The following COL27A1 variants were observed in gnomAD, a reference collection of about 807,000 sequenced individuals.
The protein encoded by COL27A1 is collagen type XXVII alpha 1 chain.
In COL27A1, 106 loss-of-function variants were observed where a neutral mutation model predicts 251.3. The observed-to-expected ratio is 0.42, with a 90% confidence interval of 0.36 to 0.50. The LOEUF (loss-of-function observed/expected upper bound fraction) is 0.50, where lower values mean the gene tolerates loss of function less well. Ranked by LOEUF, COL27A1 falls within the 20% of genes least tolerant of loss-of-function variation. COL27A1 has a pLI of 0.00. For missense variants in COL27A1, 2,325 were observed against 2,522.8 expected (o/e 0.92, Z 1.68); for synonymous variants, 1,000 against 986.3 (o/e 1.01, Z -0.26).
intron 5 of COL27A1, among the ~76,000 whole-genome samples, 169 bp from the exon 6 acceptor site, chr9:114,194,228 AAGGTGTT>A (rs962564829): frequency 6.6e-6 from 1 of 152,142 alleles, no homozygotes; most frequent in Admixed American, 6.5e-5. Flanking sequence ...GAAGCTGTGG[AAGGTGTT>A]AGAGCAGGGG....
chr9:114,222,380 C>G (rs1831175602), intron 14 of COL27A1, 113 bp downstream of exon 14: 2 of 945,758 alleles, frequency 2.1e-6, no homozygotes, highest in South Asian at 1.7e-5. Context: ...AGACCCTTCT[C>G]TCATCAAACC....
intron 59 of COL27A1, among the ~76,000 whole-genome samples, chr9:114,308,593 TG>T (rs1829227522): frequency 6.6e-6 from 1 of 152,172 alleles, no homozygotes; most frequent in African/African-American, 2.4e-5. Context: ...AGCAGGGACT[TG>T]GTGACCTCCA....
intron 12 of COL27A1, among the ~76,000 whole-genome samples, chr9:114,219,443 A>G (rs1292116137): frequency 6.6e-6 from 1 of 152,204 alleles, no homozygotes. Flanking sequence ...GGGGAAACAG[A>G]GGCTCTTAAA....
At chr9:114,191,113 C>A (rs558600044) in intron 5 of COL27A1, among the ~76,000 whole-genome samples, 1 of 152,144 alleles carries the variant, frequency 6.6e-6, no homozygotes, top group African/African-American at 2.4e-5. Flanking sequence ...GGATTTACCT[C>A]CGTCTAGGTG....
chr9:114,209,413 G>C (rs754650611), intron 10 of COL27A1: 2 of 740,668 alleles, frequency 2.7e-6, no homozygotes, highest in Non-Finnish European at 5.1e-6. Flanking sequence ...CGGGCCTCCT[G>C]CCGGCGAGCG....
rs775453111 is a variant in COL27A1 at position 114,266,641 on chromosome 9, C to T, written c.3447+23C>T. The T allele has an allele frequency of 1.1e-5, 17 of 1,607,216 alleles. No individual in the cohort carries two copies. The East Asian group carries it at 1.1e-4, about 11-fold the overall frequency. ...AAGGTGAGTGTGAGAGACCCTTATT[C>T]GTCCCATGATGCTGCTGGGGATGTA... On this transcript the variant is annotated intron_variant, in intron 33 of 60. Coordinates refer to ENST00000356083, the MANE Select transcript of COL27A1 (RefSeq NM_032888.4).
chr9:114,226,104 C>G (rs563293261), intron 14 of COL27A1, among the ~76,000 whole-genome samples: 2 of 152,262 alleles, frequency 1.3e-5, no homozygotes, highest in African/African-American at 4.8e-5. Context: ...AGAATCTGCT[C>G]AACAAAGACG....
chr9:114,176,145 G>GA (rs1564430836), intron 3 of COL27A1, among the ~76,000 whole-genome samples: 1 of 152,156 alleles, frequency 6.6e-6, no homozygotes, highest in Non-Finnish European at 1.5e-5. Context: ...TTTCCTCTCT[G>GA]AACCTCTCTC....
chr9:114,308,378 G>A (rs547369826), intron 59 of COL27A1, among the ~76,000 whole-genome samples: 6 of 152,192 alleles, frequency 3.9e-5, no homozygotes, highest in African/African-American at 1.2e-4. Context: ...CTCCGACTGC[G>A]GGGGAAAGGA....
chr9:114,269,212 C>CG (rs773048064), intron 34 of COL27A1, 29 bp from the exon 35 acceptor site: 1 of 1,562,868 alleles, frequency 6.4e-7, no homozygotes, highest in African/African-American at 1.4e-5. Flanking sequence ...CCTACCCACC[C>CG]GCAAGGACTT....
intron 57 of COL27A1, among the ~76,000 whole-genome samples, chr9:114,305,231 G>A (rs570659664): frequency 1.3e-5 from 2 of 152,140 alleles, no homozygotes; most frequent in African/African-American, 2.4e-5. Flanking sequence ...TGAACATTTC[G>A]GTTTGTTCCC....
chr9:114,197,747 C>T (rs1260367078), intron 7 of COL27A1, among the ~76,000 whole-genome samples: 2 of 152,260 alleles, frequency 1.3e-5, no homozygotes, highest in Non-Finnish European at 2.9e-5. Flanking sequence ...AAGGAAAAGC[C>T]ACTGCGCAGC....
chr9:114,255,256 C>T (rs1000521797), intron 27 of COL27A1, among the ~76,000 whole-genome samples: 36 of 152,164 alleles, frequency 2.4e-4, no homozygotes, highest in African/African-American at 8.2e-4. Flanking sequence ...GGGGCTAGCA[C>T]GGCTGGCCGA....
intron 3 of COL27A1, among the ~76,000 whole-genome samples, chr9:114,170,015 T>C (rs188234661): frequency 6.6e-6 from 1 of 152,364 alleles, no homozygotes; most frequent in East Asian, 1.9e-4. Context: ...GAGAGATTTC[T>C]TATAAAAAGA....
At chr9:114,305,509 C>T (rs1157891851) in intron 57 of COL27A1, among the ~76,000 whole-genome samples, 2 of 152,200 alleles carry the variant, frequency 1.3e-5, no homozygotes, top group East Asian at 3.9e-4. Context: ...TATCAAGCAC[C>T]TCCTACCCAC....
rs764116525 is a variant in COL27A1 at position 114,290,249 on chromosome 9, G to A, written c.4286G>A (p.Arg1429Gln). 29 of 1,531,014 alleles carry A rather than the reference G, an allele frequency of 1.9e-5. 1 individual carries two copies. Among genetic ancestry groups the A allele is most frequent in the South Asian group, 5.9e-5 (5 of 85,326 alleles). The allele number at this position is 1,531,014 out of a possible 1,614,324, so 94.8% of individuals were successfully genotyped here. A position where few individuals can be genotyped will look rare whatever the true frequency, so the allele number is the denominator to read the frequency against. Residue 1429 changes from arginine (R) to glutamine (Q), a missense_variant, in exon 47 of 61, where the codon CGG (arginine) becomes CAG (glutamine). Transcript: ENST00000356083. The surrounding 1 kb of genome is among the most constrained non-coding windows in gnomAD (Gnocchi z 4.6). ...VQGLQGLPGP[R>Q]GVVGRQGLEG... ...GGCCTGCAGGGGCTGCCAGGGCCCCGGGGCGTGGTGGGGAGACAGGGCCTC... is the reference window on the plus strand; with the variant it reads ...GGCCTGCAGGGGCTGCCAGGGCCCCAGGGCGTGGTGGGGAGACAGGGCCTC...
At chr9:114,214,267 C>T (rs1830566018) in intron 12 of COL27A1, among the ~76,000 whole-genome samples, 1 of 152,160 alleles carries the variant, frequency 6.6e-6, no homozygotes, top group African/African-American at 2.4e-5. Flanking sequence ...CTTATCCAAG[C>T]TTTAGGCCAG....
intron 49 of COL27A1, among the ~76,000 whole-genome samples, chr9:114,292,640 A>G (rs1305250849): frequency 1.3e-5 from 2 of 152,232 alleles, no homozygotes; most frequent in Non-Finnish European, 2.9e-5. Flanking sequence ...CAATACCCCA[A>G]TTAAAGCTGA....
intron 49 of COL27A1, among the ~76,000 whole-genome samples, chr9:114,299,668 G>A (rs1181184342): frequency 3.9e-5 from 6 of 152,198 alleles, no homozygotes; most frequent in Admixed American, 2.6e-4. Context: ...CAAAACATCC[G>A]GCACCTAACA....
Sources: allele counts gnomAD v4.1 joint callset (sites outside exome capture counted in the v4.1 genomes callset), GRCh38; gene constraint gnomAD v4.1.1; non-coding constraint Gnocchi (gnomAD v3.1); transcripts MANE v1.5; gene names NCBI Gene and HGNC (gene_info 2026-07-23, HGNC 2026-07-21).